The following PEX5L variants were observed in gnomAD, a reference collection of about 807,000 sequenced individuals.
PEX5L encodes the protein PEX5-related protein.
Under a neutral mutation model 84.0 loss-of-function variants are expected in PEX5L, and 30 were observed. The observed-to-expected ratio is 0.36, with a 90% CI of 0.27 to 0.48. PEX5L has a LOEUF of 0.48. Ranked by LOEUF, PEX5L falls within the 20% of genes least tolerant of loss-of-function variation. The pLI, the probability that PEX5L is intolerant of heterozygous loss-of-function variation, is 0.99. For missense variants in PEX5L, 533 were observed against 754.6 expected (o/e 0.71, Z 3.44); for synonymous variants, 270 against 283.1 (o/e 0.95, Z 0.46).
At chr3:180,021,451 G>A (rs1256421094) in intron 1 of PEX5L, among the ~76,000 whole-genome samples, 1 of 152,158 alleles carries the variant, frequency 6.6e-6, no homozygotes, top group Non-Finnish European at 1.5e-5. Flanking sequence ...CAGGGCTGCA[G>A]TGGGGTCCAG....
chr3:179,867,894 C>G (rs575289392), intron 7 of PEX5L, among the ~76,000 whole-genome samples: 2 of 151,916 alleles, frequency 1.3e-5, no homozygotes. Flanking sequence ...TCATATCAAC[C>G]CTGTAAAAGT....
rs934886773 is a variant in PEX5L at position 179,874,440 on chromosome 3, A to T, written c.630-17T>A. 54 of 1,340,302 alleles carry T rather than the reference A, an allele frequency of 4.0e-5. No individual in the cohort carries two copies. Among genetic ancestry groups the T allele is most frequent in the Non-Finnish European group, 5.6e-5 (53 of 947,058 alleles). The allele number at this position is 1,340,302 out of a possible 1,614,324, so 83.0% of individuals were successfully genotyped here. On this transcript the variant is annotated splice_polypyrimidine_tract_variant and intron_variant, in intron 6 of 14. Coordinates refer to ENST00000467460, the MANE Select transcript of PEX5L (RefSeq NM_016559.3). ...TCTGAGGACCTATAAGGGATGCATT[A>T]AGGAAATTAAACGTACACTAGAAAC...
intron 9 of PEX5L, among the ~76,000 whole-genome samples, chr3:179,817,694 A>G (rs1289918170): frequency 6.6e-6 from 1 of 152,242 alleles, no homozygotes; most frequent in African/African-American, 2.4e-5. Flanking sequence ...AATTTGATAG[A>G]TACAAATAAG....
At position 179,875,430 on chromosome 3, in the gene PEX5L, C is replaced by G; in HGVS notation, c.553G>C (p.Asp185His). 6.2e-7 allele frequency: 1 copy of G among 1,613,498 alleles called. No homozygotes were observed. The highest frequency in any genetic ancestry group is 8.5e-7 in the Non-Finnish European group (1 of 1,179,568). ...EKWDDVKFHG[D>H]RNTKGHPMAE... ...ATTGGATGTCCCTTGGTATTTCGAT[C>G]TCCATGAAACTTAACATCGTCCCAT... Residue 185 changes from aspartate (D) to histidine (H), a missense_variant, in exon 6 of 15, where the codon GAT becomes CAT. Asp to His is a moderately conservative substitution (Grantham distance 81). This residue lies in a region of PEX5L where 259 missense variants were observed against 301.7 expected (regional missense o/e 0.86). Coordinates refer to ENST00000467460, the MANE Select transcript of PEX5L (RefSeq NM_016559.3).
At chr3:179,836,677 A>AT (rs1428820473) in intron 8 of PEX5L, among the ~76,000 whole-genome samples, 5 of 152,190 alleles carry the variant, frequency 3.3e-5, no homozygotes, top group African/African-American at 1.2e-4. Context: ...ATGCTTATTC[A>AT]TGAATCACAA....
chr3:179,842,561 G>A (rs771631826), intron 8 of PEX5L, among the ~76,000 whole-genome samples: 7 of 152,002 alleles, frequency 4.6e-5, no homozygotes, highest in Non-Finnish European at 1.0e-4. Flanking sequence ...AGTATGTAGA[G>A]TCATTTTATT....
intron 2 of PEX5L, among the ~76,000 whole-genome samples, chr3:179,952,835 T>A (rs533988387): frequency 1.5e-3 from 221 of 152,316 alleles, no homozygotes; most frequent in African/African-American, 5.1e-3. Flanking sequence ...GGCATCACGC[T>A]ACCTGACTTC....
chr3:179,978,782 G>A (rs1786044015), intron 1 of PEX5L, among the ~76,000 whole-genome samples: 1 of 152,108 alleles, frequency 6.6e-6, no homozygotes. Flanking sequence ...GTGTTGTATA[G>A]GTCCCATCAC....
intron 1 of PEX5L, among the ~76,000 whole-genome samples, chr3:179,998,436 G>T (rs1185054312): frequency 6.6e-6 from 1 of 152,186 alleles, no homozygotes; most frequent in Non-Finnish European, 1.5e-5. Context: ...TGGTGTTTTA[G>T]GTGTCAGTGG....
intron 2 of PEX5L, among the ~76,000 whole-genome samples, chr3:179,908,577 T>C (rs1764058759): frequency 6.6e-6 from 1 of 152,126 alleles, no homozygotes; most frequent in African/African-American, 2.4e-5. Context: ...CCTTAACTCA[T>C]CATTTACATT....
At chr3:179,853,764 CTCTTCTTCT>C (rs755770618) in intron 8 of PEX5L, among the ~76,000 whole-genome samples, 1 of 151,230 alleles carries the variant, frequency 6.6e-6, no homozygotes, top group Admixed American at 6.6e-5. Flanking sequence ...CTTCTTCCTC[CTCTTCTTCT>C]TCTTCTTCTT....
intron 1 of PEX5L, among the ~76,000 whole-genome samples, chr3:180,002,974 T>C (rs1788560276): frequency 6.6e-6 from 1 of 152,112 alleles, no homozygotes; most frequent in Non-Finnish European, 1.5e-5. Flanking sequence ...TATCTTCACA[T>C]AAATTCTCAT....
At chr3:179,956,547 C>A (rs1012762107) in intron 2 of PEX5L, among the ~76,000 whole-genome samples, 1 of 152,116 alleles carries the variant, frequency 6.6e-6, no homozygotes, top group Non-Finnish European at 1.5e-5. Flanking sequence ...TCTGTGTCCT[C>A]AATGAATGAG....
chr3:179,827,723 C>T (rs533691150), intron 8 of PEX5L, among the ~76,000 whole-genome samples: 2 of 152,194 alleles, frequency 1.3e-5, no homozygotes, highest in East Asian at 1.9e-4. Flanking sequence ...GGTAGGCCAA[C>T]GAAATGTGTT....
At chr3:180,034,993 T>C (rs906143980) in intron 1 of PEX5L, among the ~76,000 whole-genome samples, 2 of 152,208 alleles carry the variant, frequency 1.3e-5, no homozygotes, top group African/African-American at 2.4e-5. Flanking sequence ...ATTTACCATA[T>C]TGTTGCTTCG....
chr3:179,803,666 A>G (rs1025902639), intron 14 of PEX5L, among the ~76,000 whole-genome samples: 1 of 152,240 alleles, frequency 6.6e-6, no homozygotes, highest in African/African-American at 2.4e-5. Context: ...GTTCTCAAAA[A>G]CTTTTCATAC....
At chr3:179,956,376 C>T (rs1357989395) in intron 2 of PEX5L, among the ~76,000 whole-genome samples, 1 of 152,022 alleles carries the variant, frequency 6.6e-6, no homozygotes, top group African/African-American at 2.4e-5. Context: ...AACGAATTCA[C>T]GATTATTTCT....
At chr3:179,847,722 G>GT (rs1419157916) in intron 8 of PEX5L, among the ~76,000 whole-genome samples, 4 of 151,500 alleles carry the variant, frequency 2.6e-5, no homozygotes, top group South Asian at 2.1e-4. Flanking sequence ...GACAAGTTTT[G>GT]TTTTTTTTGA....
At chr3:179,928,061 C>T (rs1192886235) in intron 2 of PEX5L, among the ~76,000 whole-genome samples, 1 of 152,186 alleles carries the variant, frequency 6.6e-6, no homozygotes, top group East Asian at 1.9e-4. Context: ...TCTTGTTTCC[C>T]CACTTTTATT....
Sources: gnomAD v4.1 joint callset for allele counts (sites outside exome capture counted in the v4.1 genomes callset) on GRCh38, gnomAD v4.1.1 for gene constraint, gnomAD v4.1.1 regional missense constraint, MANE v1.5 for transcripts, NCBI Gene and HGNC (gene_info 2026-07-23, HGNC 2026-07-21) for gene names.